The following NCOA1 variants were observed in gnomAD, a reference collection of about 807,000 sequenced individuals.
The protein encoded by NCOA1 is nuclear receptor coactivator 1.
NCOA1 carries 35 observed loss-of-function variants against 150.9 expected under a neutral mutation model. The observed-to-expected ratio is 0.23, with a 90% CI of 0.18 to 0.31. The LOEUF is 0.31. NCOA1 is among the 10% of genes least tolerant of loss of function. The pLI, the probability that NCOA1 is intolerant of heterozygous loss-of-function variation, is 1.00. For missense variants in NCOA1, 1,491 were observed against 1,749.3 expected, an observed-to-expected ratio of 0.85 and a Z score of 2.63; for synonymous variants, 590 against 630.0, an observed-to-expected ratio of 0.94 and a Z score of 0.95.
chr2:24,726,559 A>G, intron 14 of NCOA1, 30 bp from the exon 15 acceptor site: 1 of 1,427,756 alleles, frequency 7.0e-7, no homozygotes, highest in Non-Finnish European at 9.8e-7. Flanking sequence ...CACTGAGATA[A>G]TGACTTCTTA....
chr2:24,705,327 A>C (rs549471496), intron 12 of NCOA1, 94 bp downstream of exon 12: 73 of 1,308,550 alleles, frequency 5.6e-5, no homozygotes, highest in Middle Eastern at 2.0e-4. Context: ...TAGAAAGCAG[A>C]AATTCTAAAT....
intron 1 of NCOA1, among the ~76,000 whole-genome samples, chr2:24,523,614 A>T: frequency 7.9e-6 from 1 of 126,392 alleles, no homozygotes; most frequent in Non-Finnish European, 1.7e-5. Context: ...TCAAAAAAAA[A>T]AAAAAAAAAA....
intron 4 of NCOA1, among the ~76,000 whole-genome samples, chr2:24,649,918 A>G (rs756468339): frequency 6.6e-5 from 10 of 152,192 alleles, no homozygotes; most frequent in Non-Finnish European, 1.3e-4. Flanking sequence ...CAAATCCTTG[A>G]TAATGTCTTT....
Position 24,736,219 on chromosome 2 carries a change from CT to C in NCOA1, c.3202-3212del, listed in dbSNP as rs539632662. ...CTGGGCAGCAAGAGTGAAACTCCGT[CT>C]CAAAAAAAAAAAAAAAAGAAAAAGA... On this transcript the variant is annotated intron_variant, in intron 17 of 22. Coordinates refer to ENST00000348332, the MANE Select transcript of NCOA1 (RefSeq NM_003743.5). Among the ~76,000 whole-genome samples the C allele has an allele frequency of 1.9e-3, 260 of 136,154 alleles. 1 individual carries two copies. Among genetic ancestry groups the C allele is most frequent in the African/African-American group, 7.0e-3 (258 of 36,618 alleles). The allele number at this position is 136,154 out of a possible 152,430, so 89.3% of individuals were successfully genotyped here.
intron 6 of NCOA1, among the ~76,000 whole-genome samples, chr2:24,671,694 G>A (rs533572652): frequency 1.3e-5 from 2 of 152,074 alleles, no homozygotes; most frequent in Admixed American, 6.5e-5. Context: ...CTGAGTAGCT[G>A]AGATTACAGA....
At chr2:24,526,862 T>A (rs756086643) in intron 1 of NCOA1, among the ~76,000 whole-genome samples, 23 of 152,012 alleles carry the variant, frequency 1.5e-4, no homozygotes, top group Non-Finnish European at 3.1e-4. Context: ...TGGGAAAAAA[T>A]TTAGTAATAC....
At chr2:24,643,515 G>A (rs1670325990) in intron 3 of NCOA1, among the ~76,000 whole-genome samples, 1 of 152,064 alleles carries the variant, frequency 6.6e-6, no homozygotes, top group Non-Finnish European at 1.5e-5. Context: ...TCTTTTTGAA[G>A]TTTTACAAAC....
intron 1 of NCOA1, among the ~76,000 whole-genome samples, chr2:24,527,780 A>C (rs1023135673): frequency 6.6e-6 from 1 of 152,166 alleles, no homozygotes; most frequent in African/African-American, 2.4e-5. Flanking sequence ...CACATTTCCT[A>C]CCAACAATGT....
intron 22 of NCOA1, among the ~76,000 whole-genome samples, chr2:24,765,274 C>A (rs919783949): frequency 2.0e-5 from 3 of 151,480 alleles, no homozygotes; most frequent in African/African-American, 7.3e-5. Flanking sequence ...GAGGCTGAGG[C>A]GGGCAGATCA....
At chr2:24,514,285 CAAA>C (rs57412614) in intron 1 of NCOA1, among the ~76,000 whole-genome samples, 60 of 32,924 alleles carry the variant, frequency 1.8e-3, no homozygotes, top group Non-Finnish European at 1.7e-3. Flanking sequence ...GACTCTGTCT[CAAA>C]AAAAAAAAAA....
chr2:24,627,247 A>T (rs574470242), intron 3 of NCOA1, among the ~76,000 whole-genome samples: 1 of 151,346 alleles, frequency 6.6e-6, no homozygotes, highest in East Asian at 1.9e-4. Flanking sequence ...AAATTAGCAC[A>T]CTTTGTTATA....
intron 1 of NCOA1, among the ~76,000 whole-genome samples, chr2:24,505,255 C>T (rs188434286): frequency 1.3e-5 from 2 of 151,204 alleles, no homozygotes; most frequent in African/African-American, 4.9e-5. Flanking sequence ...GGGGCAATCT[C>T]GGCTCACCGC....
At chr2:24,711,418 AT>A (rs1673741849) in intron 14 of NCOA1, 1 of 199,616 alleles carries the variant, frequency 5.0e-6, no homozygotes, top group Admixed American at 5.9e-5. Context: ...ATTGGGTCAG[AT>A]TGTTTCCAGA....
At chr2:24,674,116 T>C (rs1572573755) in intron 7 of NCOA1, among the ~76,000 whole-genome samples, 1 of 93,440 alleles carries the variant, frequency 1.1e-5, no homozygotes, top group Non-Finnish European at 2.2e-5. Context: ...TAAAGACATA[T>C]GTATGTATGT....
intron 3 of NCOA1, among the ~76,000 whole-genome samples, chr2:24,610,343 G>A (rs1188420638): frequency 1.3e-5 from 2 of 151,354 alleles, no homozygotes; most frequent in African/African-American, 4.8e-5. Flanking sequence ...GGGTTTTACC[G>A]TGTTAGCCAG....
At chr2:24,517,433 C>T (rs1664247966) in intron 1 of NCOA1, among the ~76,000 whole-genome samples, 1 of 152,014 alleles carries the variant, frequency 6.6e-6, no homozygotes. Flanking sequence ...TTCTCACAGC[C>T]AGGCCCTTCT....
chr2:24,720,246 C>T (rs1558313695), intron 14 of NCOA1, among the ~76,000 whole-genome samples: 1 of 152,178 alleles, frequency 6.6e-6, no homozygotes, highest in South Asian at 2.1e-4. Context: ...AAGGAGGTAA[C>T]TAAGTGACTG....
At chr2:24,537,605 A>G (rs1470606944) in intron 1 of NCOA1, among the ~76,000 whole-genome samples, 2 of 152,018 alleles carry the variant, frequency 1.3e-5, no homozygotes, top group Non-Finnish European at 2.9e-5. Flanking sequence ...GGGGATATGT[A>G]GGTCAAAGGA....
intron 2 of NCOA1, among the ~76,000 whole-genome samples, chr2:24,570,415 A>G (rs1473757717): frequency 1.3e-5 from 2 of 152,246 alleles, no homozygotes; most frequent in Non-Finnish European, 2.9e-5. Context: ...CTGCAATATA[A>G]TGAATCATAT....
Sources: gnomAD v4.1 joint callset for allele counts (sites outside exome capture counted in the v4.1 genomes callset) on GRCh38, gnomAD v4.1.1 for gene constraint, MANE v1.5 for transcripts, NCBI Gene and HGNC (gene_info 2026-07-23, HGNC 2026-07-21) for gene names.